Variants in WDR37 observed in about 807,000 individuals in gnomAD.
The protein encoded by WDR37 is WD repeat-containing protein 37.
WDR37 carries 19 observed loss-of-function variants against 62.9 expected under a neutral mutation model. The ratio of observed to expected loss-of-function variants is 0.30; its 90% CI spans 0.21 to 0.44. The LOEUF is 0.44. Among genes scored for constraint, WDR37 ranks in the 20% least tolerant of loss-of-function variants. WDR37 has a pLI of 1.00. For missense variants in WDR37, 474 were observed against 657.6 expected (o/e 0.72, Z 3.05); for synonymous variants, 250 against 260.9 (o/e 0.96, Z 0.40).
intron 1 of WDR37, among the ~76,000 whole-genome samples, chr10:1,070,882 G>A (rs1015244878): frequency 2.6e-5 from 4 of 152,208 alleles, no homozygotes; most frequent in Non-Finnish European, 4.4e-5. Flanking sequence ...AGGTGTTAGG[G>A]CTATTGAGTA....
intron 5 of WDR37, among the ~76,000 whole-genome samples, chr10:1,082,525 G>A (rs1834060554): frequency 6.6e-6 from 1 of 152,228 alleles, no homozygotes; most frequent in Non-Finnish European, 1.5e-5. Context: ...TTGCGCCGCA[G>A]TTCAAACGAT....
chr10:1,087,338 C>T (rs1834237003), intron 7 of WDR37, among the ~76,000 whole-genome samples: 2 of 152,210 alleles, frequency 1.3e-5, no homozygotes, highest in African/African-American at 4.8e-5. Context: ...GTGATTGGTG[C>T]TCAAATGTAG....
intron 1 of WDR37, among the ~76,000 whole-genome samples, chr10:1,068,181 T>C (rs1039242149): frequency 1.3e-5 from 2 of 152,036 alleles, no homozygotes; most frequent in Non-Finnish European, 2.9e-5. Context: ...GTGACTATCC[T>C]TAAGAAAGCA....
At chr10:1,116,492 A>T (rs1835406321) in intron 11 of WDR37, among the ~76,000 whole-genome samples, 2 of 152,234 alleles carry the variant, frequency 1.3e-5, no homozygotes, top group South Asian at 4.1e-4. Context: ...TTCACTTAAG[A>T]TAATGGCCCC....
chr10:1,066,583 A>G (rs531355128), intron 1 of WDR37, among the ~76,000 whole-genome samples: 1 of 152,382 alleles, frequency 6.6e-6, no homozygotes, highest in Non-Finnish European at 1.5e-5. Flanking sequence ...AGATTTTTGT[A>G]GATATGTAAA....
intron 13 of WDR37, 195 bp downstream of exon 13, chr10:1,125,219 G>GT: frequency 1.7e-6 from 1 of 604,030 alleles, no homozygotes; most frequent in Non-Finnish European, 2.1e-6. Context: ...ACCTACTTCA[G>GT]TGTTTTTTTT....
At chr10:1,077,244 A>C (rs1048102424) in intron 2 of WDR37, among the ~76,000 whole-genome samples, 8 of 152,186 alleles carry the variant, frequency 5.3e-5, no homozygotes, top group African/African-American at 1.7e-4. Context: ...GCTGGACCAC[A>C]CTTGACAATG....
At position 1,103,046 on chromosome 10, in the gene WDR37, G is replaced by T. The variant is rs1425166914; in HGVS notation, c.727-556G>T. 6.6e-6 allele frequency among the ~76,000 whole-genome samples: 1 copy of T among 152,188 alleles called. No individual in the cohort carries two copies. The highest frequency in any genetic ancestry group is 1.5e-5 in the Non-Finnish European group (1 of 68,028). On this transcript the variant is annotated intron_variant, in intron 9 of 13. Transcript: ENST00000263150. This position sits in a 1 kb window ranked among gnomAD's most constrained non-coding sequence, Gnocchi z 6.3. ...ACCCCCTGATAAATATTTGTTGGAT[G>T]AATATACAGATTTTCTTACAGAGCT...
intron 13 of WDR37, among the ~76,000 whole-genome samples, chr10:1,128,825 CGGTCCATGCTCGGT>C (rs1000438108): frequency 1.5e-4 from 23 of 151,162 alleles, no homozygotes; most frequent in African/African-American, 4.6e-4. Context: ...CCATGCTCGG[CGGTCCATGCTCGGT>C]GGTCCTGCTC....
At chr10:1,064,451 C>T (rs1046976362) in intron 1 of WDR37, among the ~76,000 whole-genome samples, 1 of 152,114 alleles carries the variant, frequency 6.6e-6, no homozygotes, top group Non-Finnish European at 1.5e-5. Flanking sequence ...TAAGAAGCAG[C>T]ATAAACCCAG....
Position 1,103,298 on chromosome 10 carries a change from A to G in WDR37, c.727-304A>G, listed in dbSNP as rs1367697830. Among the ~76,000 whole-genome samples, 1 of 152,208 alleles carries G rather than the reference A, an allele frequency of 6.6e-6. No individual in the cohort carries two copies. Among genetic ancestry groups the G allele is most frequent in the Non-Finnish European group, 1.5e-5 (1 of 68,042 alleles). On this transcript the variant is annotated intron_variant, in intron 9 of 13. Transcript: ENST00000263150. This position sits in a 1 kb window ranked among gnomAD's most constrained non-coding sequence, Gnocchi z 6.3. ...ACTGATGAAAGCTTAAATGTTGAAA[A>G]TCATTTTATTTGCCATTCTGTTGAT...
intron 1 of WDR37, among the ~76,000 whole-genome samples, chr10:1,062,717 T>G (rs1471077732): frequency 6.6e-6 from 1 of 152,228 alleles, no homozygotes; most frequent in Admixed American, 6.5e-5. Flanking sequence ...GGCTTTCTGC[T>G]TGCGGAAAGA....
intron 13 of WDR37, among the ~76,000 whole-genome samples, chr10:1,125,394 TGTTAGTCAGGCTGGTTA>T (rs1835708127): frequency 6.6e-6 from 1 of 152,248 alleles, no homozygotes; most frequent in Non-Finnish European, 1.5e-5. Context: ...TGGCTAATTT[TGTTAGTCAGGCTGGTTA>T]GTTAGTCAGG....
intron 1 of WDR37, among the ~76,000 whole-genome samples, chr10:1,062,190 T>C (rs908951720): frequency 6.6e-6 from 1 of 152,188 alleles, no homozygotes; most frequent in Non-Finnish European, 1.5e-5. Context: ...GAGGTGATTG[T>C]AGGAAATGCA....
intron 2 of WDR37, among the ~76,000 whole-genome samples, 156 bp from the exon 3 acceptor site, chr10:1,077,751 T>C (rs1833921552): frequency 6.6e-6 from 1 of 152,220 alleles, no homozygotes; most frequent in Admixed American, 6.5e-5. Context: ...TGGCAGAAAT[T>C]TGGAACTTTA....
chr10:1,099,575 A>G (rs926731696), intron 9 of WDR37, among the ~76,000 whole-genome samples: 7 of 152,248 alleles, frequency 4.6e-5, no homozygotes, highest in Admixed American at 6.5e-5. Context: ...TGTATTGTGT[A>G]TTAACACAGT....
intron 2 of WDR37, among the ~76,000 whole-genome samples, chr10:1,073,099 T>C (rs182596845): frequency 1.0e-3 from 156 of 152,344 alleles, no homozygotes; most frequent in African/African-American, 3.7e-3. Flanking sequence ...ATACTTTTTC[T>C]AGTTCATTTA....
rs1185926618 is a variant in WDR37 at position 1,124,329 on chromosome 10, T to A, written c.1215T>A (p.Ile405=). The change falls in exon 12 of 14, where the codon ATT becomes ATA. Residue 405 remains isoleucine (I), a synonymous_variant. Transcript: ENST00000263150. ...ATATGAGATCCCCCATTGCAACTAT[T>A]CGCACGGACTCTGCCATTAACAGGT... ...LKNMRSPIAT[I]RTDSAINRIN... is the part of the protein sequence containing the mutation. 6.2e-7 allele frequency: 1 copy of A among 1,614,196 alleles called. No individual in the cohort carries two copies. The highest frequency in any genetic ancestry group is 1.7e-5 in the Admixed American group (1 of 60,030).
chr10:1,073,301 A>G (rs1833778658), intron 2 of WDR37, among the ~76,000 whole-genome samples: 1 of 152,220 alleles, frequency 6.6e-6, no homozygotes, highest in Admixed American at 6.5e-5. Context: ...GATAAAGCTT[A>G]AACCTGAGAA....
Sources: allele counts gnomAD v4.1 joint callset (sites outside exome capture counted in the v4.1 genomes callset), GRCh38; gene constraint gnomAD v4.1.1; non-coding constraint Gnocchi (gnomAD v3.1); transcripts MANE v1.5; gene names NCBI Gene and HGNC (gene_info 2026-07-23, HGNC 2026-07-21).